The following MCTP1 variants were observed in gnomAD, a reference collection of about 807,000 sequenced individuals.
MCTP1 encodes multiple C2 and transmembrane domain containing 1.
In MCTP1, 69 loss-of-function variants were observed where a neutral mutation model predicts 120.6. That is an observed-to-expected ratio of 0.57 (90% CI 0.47 to 0.70). The LOEUF (loss-of-function observed/expected upper bound fraction) is 0.70. Ranked by LOEUF, MCTP1 falls within the 30% of genes least tolerant of loss-of-function variation. The pLI is 0.00. For missense variants in MCTP1, 1,203 were observed against 1,248.8 expected (o/e 0.96, Z 0.55); for synonymous variants, 529 against 493.1 (o/e 1.07, Z -0.96).
chr5:94,830,884 C>T (rs1294039597), intron 17 of MCTP1, among the ~76,000 whole-genome samples: 1 of 152,104 alleles, frequency 6.6e-6, no homozygotes, highest in Non-Finnish European at 1.5e-5. Context: ...AGGTTTAGCT[C>T]CAATTCTACC....
intron 8 of MCTP1, 55 bp downstream of exon 8, chr5:94,917,841 A>G: frequency 6.9e-7 from 1 of 1,439,542 alleles, no homozygotes; most frequent in Non-Finnish European, 9.8e-7. Flanking sequence ...GCTCTCAGAA[A>G]TCCCAGCTCA....
chr5:95,260,931 T>C (rs1347770733), intron 1 of MCTP1, among the ~76,000 whole-genome samples: 1 of 152,166 alleles, frequency 6.6e-6, no homozygotes, highest in Non-Finnish European at 1.5e-5. Flanking sequence ...ATATTTTTGG[T>C]TCAATTCTTT....
At chr5:95,099,084 A>T (rs1756505792) in intron 1 of MCTP1, among the ~76,000 whole-genome samples, 1 of 150,694 alleles carries the variant, frequency 6.6e-6, no homozygotes. Flanking sequence ...GAAAGCTGAA[A>T]CTGGATCCCT....
At chr5:95,090,361 T>C (rs1755751695) in intron 1 of MCTP1, among the ~76,000 whole-genome samples, 1 of 152,248 alleles carries the variant, frequency 6.6e-6, no homozygotes, top group Non-Finnish European at 1.5e-5. Flanking sequence ...ATCAATTAGC[T>C]ATTTCATTTT....
intron 17 of MCTP1, among the ~76,000 whole-genome samples, chr5:94,861,351 G>A (rs995342061): frequency 6.6e-6 from 1 of 151,832 alleles, no homozygotes; most frequent in African/African-American, 2.4e-5. Context: ...ATTCATAATT[G>A]TAACGAATAT....
At chr5:94,795,587 C>T (rs1037543285) in intron 18 of MCTP1, among the ~76,000 whole-genome samples, 1 of 152,196 alleles carries the variant, frequency 6.6e-6, no homozygotes, top group Non-Finnish European at 1.5e-5. Flanking sequence ...ACATTCCTAT[C>T]TTTATATCCC....
intron 2 of MCTP1, among the ~76,000 whole-genome samples, chr5:94,989,846 G>C (rs1178006152): frequency 6.6e-6 from 1 of 152,160 alleles, no homozygotes; most frequent in East Asian, 1.9e-4. Context: ...CTAAACAACA[G>C]AGTTTGGAGA....
At chr5:95,039,680 A>G (rs1279963744) in intron 1 of MCTP1, among the ~76,000 whole-genome samples, 1 of 152,184 alleles carries the variant, frequency 6.6e-6, no homozygotes, top group Non-Finnish European at 1.5e-5. Context: ...AAATCTATTG[A>G]ATTAATAAAT....
Position 95,275,602 on chromosome 5 carries a change from A to G in MCTP1, c.720+8254T>C, listed in dbSNP as rs1582715601. 5.3e-5 allele frequency among the ~76,000 whole-genome samples: 8 copies of G among 152,356 alleles called. No individual in the cohort carries two copies. The South Asian group carries it at 1.7e-3, about 32-fold the overall frequency. ...AATATTATATTTAATTTAACCTAAT[A>G]TATCCAAAATGTTATCCCAACACGC... On this transcript the variant is annotated intron_variant, in intron 1 of 22. Transcript: ENST00000515393.
At chr5:95,194,699 T>C (rs974814844) in intron 1 of MCTP1, among the ~76,000 whole-genome samples, 1 of 152,044 alleles carries the variant, frequency 6.6e-6, no homozygotes, top group Non-Finnish European at 1.5e-5. Flanking sequence ...AAACCCCACA[T>C]CCAGGGCAGT....
chr5:94,954,147 C>CAA (rs10671946), intron 2 of MCTP1, among the ~76,000 whole-genome samples: 18,448 of 32,056 alleles, frequency 0.58, 6,424 homozygotes, highest in African/African-American at 0.74. Flanking sequence ...CATATATATA[C>CAA]ATATATATAT....
intron 7 of MCTP1, among the ~76,000 whole-genome samples, chr5:94,920,911 C>A (rs899599001): frequency 1.3e-5 from 2 of 152,050 alleles, no homozygotes; most frequent in Non-Finnish European, 2.9e-5. Flanking sequence ...TCTATGTACT[C>A]TCCTTTGCCC....
chr5:94,829,287 G>A (rs569373883), intron 17 of MCTP1, among the ~76,000 whole-genome samples: 16 of 152,074 alleles, frequency 1.1e-4, no homozygotes, highest in Non-Finnish European at 1.2e-4. Context: ...CTCGCCCTCT[G>A]TGGGCTTCAC....
At chr5:95,194,221 GAAAA>G (rs1750135192) in intron 1 of MCTP1, among the ~76,000 whole-genome samples, 2 of 151,336 alleles carry the variant, frequency 1.3e-5, no homozygotes, top group African/African-American at 4.8e-5. Flanking sequence ...AGAAAATAAA[GAAAA>G]AAGAAAAGAA....
chr5:95,257,043 C>G (rs546190924), intron 1 of MCTP1, among the ~76,000 whole-genome samples: 1 of 152,232 alleles, frequency 6.6e-6, no homozygotes, highest in South Asian at 2.1e-4. Flanking sequence ...AGGTGTTGGA[C>G]ACATGTGGCC....
Position 94,952,096 on chromosome 5 carries a change from C to T in MCTP1, c.981+1123G>A, listed in dbSNP as rs148018615. Among the ~76,000 whole-genome samples, 302 of 140,048 alleles carry T rather than the reference C, an allele frequency of 2.2e-3. 1 individual carries two copies. Among genetic ancestry groups the T allele is most frequent in the African/African-American group, 7.9e-3 (294 of 37,074 alleles). The allele number at this position is 140,048 out of a possible 152,430, so 91.9% of individuals were successfully genotyped here. On this transcript the variant is annotated intron_variant, in intron 3 of 22. Transcript: ENST00000515393. ...CTGAGGCAAGGGAATGGCTTGAAAC[C>T]AAGAGATGAACGTTGCAGTGAGCCA...
At chr5:95,236,275 G>A (rs1755535344) in intron 1 of MCTP1, among the ~76,000 whole-genome samples, 1 of 152,208 alleles carries the variant, frequency 6.6e-6, no homozygotes, top group South Asian at 2.1e-4. Flanking sequence ...AAGCAAGGAT[G>A]AATTATGTCC....
chr5:95,222,514 A>G (rs1753801868), intron 1 of MCTP1, among the ~76,000 whole-genome samples: 1 of 152,250 alleles, frequency 6.6e-6, no homozygotes, highest in Non-Finnish European at 1.5e-5. Flanking sequence ...TTGTTTATTC[A>G]ACACAGTTTA....
intron 1 of MCTP1, among the ~76,000 whole-genome samples, chr5:95,083,457 C>T (rs1383952220): frequency 1.3e-5 from 2 of 152,182 alleles, no homozygotes; most frequent in Admixed American, 1.3e-4. Flanking sequence ...AAAATCAATG[C>T]ATACTATGCA....
Sources: allele counts gnomAD v4.1 joint callset (sites outside exome capture counted in the v4.1 genomes callset), GRCh38; gene constraint gnomAD v4.1.1; transcripts MANE v1.5; gene names NCBI Gene and HGNC (gene_info 2026-07-23, HGNC 2026-07-21).